CCDC180: variants seen among roughly 807,000 people sequenced by gnomAD.
The protein encoded by CCDC180 is coiled-coil domain-containing protein 180.
In CCDC180, 154 loss-of-function variants were observed where a neutral mutation model predicts 209.2. That is an observed-to-expected ratio of 0.74 (90% CI 0.65 to 0.84). CCDC180 has a LOEUF of 0.84. Among genes scored for constraint, CCDC180 ranks in the 40% least tolerant of loss-of-function variants. The pLI is 0.00. For synonymous variants in CCDC180, 778 were observed against 749.1 expected (o/e 1.04, Z -0.63); for missense variants, 1,874 against 1,997.3 (o/e 0.94, Z 1.18).
At position 97,366,174 on chromosome 9, in the gene CCDC180, T is replaced by C. The variant is rs530581138; in HGVS notation, c.4048-385T>C. On this transcript the variant is annotated intron_variant, in intron 30 of 36. Transcript: ENST00000529487. This position sits in a 1 kb window ranked among gnomAD's most constrained non-coding sequence, Gnocchi z 4.3. The stretch of plus-strand genomic sequence containing the variant: ...CTCCTGTCTGCCTCCCACGGGTCTG[T>C]CTGCCTCCTTCAGGGCAGGGTCCCT... Among the ~76,000 whole-genome samples the C allele has an allele frequency of 6.6e-6, 1 of 152,354 alleles. No individual in the cohort carries two copies. Among genetic ancestry groups the C allele is most frequent in the South Asian group, 2.1e-4 (1 of 4,832 alleles).
At position 97,352,360 on chromosome 9, in the gene CCDC180, G is replaced by C. The variant is rs1025920686; in HGVS notation, c.3002+1805G>C. Reference sequence around the variant, plus strand: ...TAATGGACCCAAAGAACAGACAATAGCCTGGGACCAATTCTGTCTGGGCTC... The same window carrying C: ...TAATGGACCCAAAGAACAGACAATACCCTGGGACCAATTCTGTCTGGGCTC... On this transcript the variant is annotated intron_variant, in intron 22 of 36. Transcript: ENST00000529487. Among the ~76,000 whole-genome samples the C allele has an allele frequency of 3.3e-5, 5 of 152,178 alleles. 1 individual carries two copies. Among genetic ancestry groups the C allele is most frequent in the Admixed American group, 3.3e-4 (5 of 15,270 alleles).
At chr9:97,334,719 A>ACATTATTTATAGTTTT (rs1825848874) in intron 18 of CCDC180, among the ~76,000 whole-genome samples, 1 of 152,192 alleles carries the variant, frequency 6.6e-6, no homozygotes. Context: ...ATTATAGTTT[A>ACATTATTTATAGTTTT]CATTATTTAT....
chr9:97,348,397 AT>A (rs1181102900), intron 20 of CCDC180, among the ~76,000 whole-genome samples: 1 of 152,154 alleles, frequency 6.6e-6, no homozygotes. Flanking sequence ...AATAAAAAGG[AT>A]TCTATGTGCA....
rs1832859030 is a variant in CCDC180 at position 97,308,144 on chromosome 9, C to T, written c.69+12C>T. ...TCTTCCAGGCTGAGGTAGGAGCCGC[C>T]CTCTGTCCCGCTTTTCTCCATCCCC... On this transcript the variant is annotated intron_variant, in intron 2 of 36. Coordinates refer to ENST00000529487, the MANE Select transcript of CCDC180 (RefSeq NM_020893.6). 6.3e-7 allele frequency: 1 copy of T among 1,576,346 alleles called. No individual in the cohort carries two copies. Among genetic ancestry groups the T allele is most frequent in the East Asian group, 2.3e-5 (1 of 44,214 alleles).
intron 21 of CCDC180, 47 bp from the exon 22 acceptor site, chr9:97,350,362 C>T (rs1056813717): frequency 1.3e-6 from 2 of 1,526,872 alleles, no homozygotes; most frequent in African/African-American, 1.4e-5. Flanking sequence ...CCTTGTCCCC[C>T]AGGGTTGTCC....
In CCDC180 at chr9:97,362,220, C is replaced by T; in HGVS notation, c.3681C>T (p.Thr1227=). 1.2e-6 allele frequency: 2 copies of T among 1,613,548 alleles called. No individual in the cohort carries two copies. Among genetic ancestry groups the T allele is most frequent in the Non-Finnish European group, 8.5e-7 (1 of 1,179,554 alleles). Residue 1227 remains threonine, a synonymous_variant, in exon 28 of 37, where the codon ACC becomes ACT. Coordinates refer to ENST00000529487, the MANE Select transcript of CCDC180 (RefSeq NM_020893.6). ...LLQLPNTKWP[T]HHCDKDPSQT... The stretch of plus-strand genomic sequence containing the variant: ...GACTTCCCAACACAAAATGGCCAAC[C>T]CACCATTGTGACAAAGATCCGTCCC...
chr9:97,327,789 G>A (rs1298058772), intron 15 of CCDC180, among the ~76,000 whole-genome samples: 1 of 152,138 alleles, frequency 6.6e-6, no homozygotes, highest in African/African-American at 2.4e-5. Flanking sequence ...CAGGGAAAGG[G>A]AGCTCATGTT....
intron 21 of CCDC180, 139 bp downstream of exon 21, chr9:97,349,430 C>G (rs1826362376): frequency 9.7e-6 from 7 of 725,228 alleles, no homozygotes; most frequent in Non-Finnish European, 1.1e-5. Context: ...TTAAACTCTT[C>G]AAGAGAGTCA....
chr9:97,354,912 G>T lies in CCDC180; in HGVS notation c.3168G>T (p.Lys1056Asn). Reference sequence around the variant, plus strand: ...TACAGGCCAATGATGTCATCAACAAGTTTGAAAGCAAATTCCATAACCTGT... The same window carrying T: ...TACAGGCCAATGATGTCATCAACAATTTTGAAAGCAAATTCCATAACCTGT... ...YLDQANDVIN[K>N]FESKFHNLSV... Residue 1056 changes from lysine (K) to asparagine (N), a missense_variant, in exon 24 of 37, where the codon AAG (lysine) becomes AAT (asparagine). By Grantham distance (94) the Lys-to-Asn change is moderately conservative. Coordinates refer to ENST00000529487, the MANE Select transcript of CCDC180 (RefSeq NM_020893.6). 1 of 1,613,918 alleles carries T rather than the reference G, an allele frequency of 6.2e-7. No individual in the cohort carries two copies.
In CCDC180 at chr9:97,350,542, AT is replaced by A. The variant is rs1317136738; in HGVS notation, c.2990del (p.Ile997ThrfsTer32). ...GKLRYSNIEF[I>X]KHCRLFSEGG... ...ACTCCGCTACTCAAATATTGAGTTC[AT>A]CAAACACTGCAGGTGGGAGCCAGTG... is the stretch of plus-strand genomic sequence containing the variant. On this transcript the variant is annotated frameshift_variant, in exon 22 of 37. Coordinates refer to ENST00000529487, the MANE Select transcript of CCDC180 (RefSeq NM_020893.6). LOFTEE classifies it high-confidence loss of function. 6.5e-7 allele frequency: 1 copy of A among 1,536,492 alleles called. No individual in the cohort carries two copies. Among genetic ancestry groups the A allele is most frequent in the African/African-American group, 1.4e-5 (1 of 73,176 alleles).
At position 97,325,043 on chromosome 9, in the gene CCDC180, C is replaced by T. The variant is rs766961693; in HGVS notation, c.1396C>T (p.Gln466Ter). 19 of 1,613,854 alleles carry T rather than the reference C, an allele frequency of 1.2e-5. No individual in the cohort carries two copies. The highest frequency in any genetic ancestry group is 1.6e-5 in the Non-Finnish European group (19 of 1,179,954). ...LDKSFETLAD[Q>*]TEWQSSHLFK... is the part of the protein sequence containing the mutation. ...GAAATCCTTCGAGACTCTGGCAGAT[C>T]AGACAGAGTGGCAGAGTTCACACCT... Residue 466 changes from glutamine to a stop codon, truncating the protein, a stop_gained, in exon 14 of 37, where the codon CAG becomes TAG. Coordinates refer to ENST00000529487, the MANE Select transcript of CCDC180 (RefSeq NM_020893.6). LOFTEE classifies it high-confidence loss of function.
chr9:97,316,978 C>A, intron 8 of CCDC180, 87 bp from the exon 9 acceptor site: 1 of 1,333,026 alleles, frequency 7.5e-7, no homozygotes, highest in Non-Finnish European at 1.0e-6. Flanking sequence ...CCCTCTCCAG[C>A]CTCCCACTGC....
At chr9:97,320,680 C>T (rs1238702018) in intron 11 of CCDC180, among the ~76,000 whole-genome samples, 2 of 152,152 alleles carry the variant, frequency 1.3e-5, no homozygotes, top group African/African-American at 4.8e-5. Context: ...TAGTCCAGTG[C>T]CTGGCTTACA....
At chr9:97,349,373 C>T (rs1254998082) in intron 21 of CCDC180, 82 bp downstream of exon 21, 1 of 1,247,874 alleles carries the variant, frequency 8.0e-7, no homozygotes, top group Non-Finnish European at 1.1e-6. Context: ...GAGCCCCCCT[C>T]CCTGTAGACA....
At chr9:97,370,470 C>G (rs1181224569) in intron 32 of CCDC180, among the ~76,000 whole-genome samples, 171 bp from the exon 33 acceptor site, 1 of 152,040 alleles carries the variant, frequency 6.6e-6, no homozygotes, top group African/African-American at 2.4e-5. Context: ...CGAGTCAGCT[C>G]TAGCCATGCC....
chr9:97,376,511 G>A, intron 36 of CCDC180: 1 of 403,250 alleles, frequency 2.5e-6, no homozygotes, highest in Non-Finnish European at 4.7e-6. Context: ...ATAGACACAG[G>A]TCCTAGTCCC....
intron 34 of CCDC180, 75 bp downstream of exon 34, chr9:97,371,781 C>T: frequency 1.2e-6 from 1 of 820,734 alleles, no homozygotes; most frequent in Non-Finnish European, 1.9e-6. Context: ...GGTCTGCTTT[C>T]CCCAACTCTA....
At chr9:97,330,091 G>A (rs566773031) in intron 16 of CCDC180, 63 bp from the exon 17 acceptor site, 19 of 1,135,946 alleles carry the variant, frequency 1.7e-5, no homozygotes, top group South Asian at 1.2e-4. Flanking sequence ...AAAAAAAAAG[G>A]TGGGGGGCAC....
chr9:97,324,628 G>A (rs747791197), intron 13 of CCDC180, among the ~76,000 whole-genome samples: 1 of 152,158 alleles, frequency 6.6e-6, no homozygotes, highest in Non-Finnish European at 1.5e-5. Flanking sequence ...CAGGTGTGGT[G>A]TTTGGCCCAG....
Sources: allele counts gnomAD v4.1 joint callset (sites outside exome capture counted in the v4.1 genomes callset), GRCh38; gene constraint gnomAD v4.1.1; non-coding constraint Gnocchi (gnomAD v3.1); transcripts MANE v1.5; gene names NCBI Gene and HGNC (gene_info 2026-07-23, HGNC 2026-07-21).